CSMD1: variants seen among roughly 807,000 people sequenced by gnomAD.
CSMD1 encodes the protein CUB and Sushi multiple domains 1.
Under a neutral mutation model 417.5 loss-of-function variants are expected in CSMD1, and 213 were observed. The observed-to-expected ratio is 0.51, with a 90% confidence interval of 0.46 to 0.57. The LOEUF (loss-of-function observed/expected upper bound fraction) is 0.57, where lower values mean the gene tolerates loss of function less well. CSMD1 is among the 20% of genes least tolerant of loss of function. The pLI is 0.00. For synonymous variants in CSMD1, 2,862 were observed against 1,736.8 expected, an observed-to-expected ratio of 1.65 and a Z score of -16.11; for missense variants, 6,923 against 4,529.7, an observed-to-expected ratio of 1.53 and a Z score of -15.17.
At chr8:3,505,416 C>G (rs923619289) in intron 10 of CSMD1, among the ~76,000 whole-genome samples, 1 of 151,868 alleles carries the variant, frequency 6.6e-6, no homozygotes, top group African/African-American at 2.4e-5. Flanking sequence ...TAATTATGGG[C>G]GCAGAATCAA....
At chr8:3,549,562 T>G (rs28565427) in intron 10 of CSMD1, among the ~76,000 whole-genome samples, 9,701 of 152,284 alleles carry the variant, frequency 0.064, 642 homozygotes, top group African/African-American at 0.16. Flanking sequence ...AATGGATTAA[T>G]GCATTAATTT....
At chr8:4,031,377 C>T (rs1797335702) in intron 4 of CSMD1, among the ~76,000 whole-genome samples, 1 of 152,182 alleles carries the variant, frequency 6.6e-6, no homozygotes. Context: ...ACATGCATGG[C>T]AGCAGGCAAA....
chr8:3,891,409 G>C (rs898822436), intron 5 of CSMD1, among the ~76,000 whole-genome samples: 7 of 152,176 alleles, frequency 4.6e-5, no homozygotes, highest in Middle Eastern at 6.8e-3. Flanking sequence ...GCCAGGTATG[G>C]TGGCTCACGC....
At chr8:3,957,015 T>C (rs1263855065) in intron 5 of CSMD1, among the ~76,000 whole-genome samples, 1 of 152,192 alleles carries the variant, frequency 6.6e-6, no homozygotes, top group Non-Finnish European at 1.5e-5. Context: ...CACATGGAAG[T>C]AGAGAGTGAC....
chr8:3,628,026 G>C (rs776261254), intron 7 of CSMD1, among the ~76,000 whole-genome samples: 9 of 152,030 alleles, frequency 5.9e-5, no homozygotes, highest in South Asian at 2.1e-4. Flanking sequence ...AGATTCAAAA[G>C]GGCAATGTAA....
Position 2,993,356 on chromosome 8 carries a change from T to C in CSMD1, c.8377+4655A>G, listed in dbSNP as rs565251620. Among the ~76,000 whole-genome samples, 9 of 152,294 alleles carry C rather than the reference T, an allele frequency of 5.9e-5. No individual in the cohort carries two copies. In the East Asian group the frequency reaches 1.7e-3, roughly 29 times the overall value. On this transcript the variant is annotated intron_variant, in intron 54 of 69. Coordinates refer to ENST00000635120, the MANE Select transcript of CSMD1 (RefSeq NM_033225.6). ...GTAAGGTTATATTTTCCTCCTTCAA[T>C]GCATTTATTGCCAATATCCTGTAAA... is the stretch of plus-strand genomic sequence containing the variant.
intron 1 of CSMD1, among the ~76,000 whole-genome samples, chr8:4,945,678 G>C (rs58584343): frequency 3.9e-5 from 6 of 152,224 alleles, no homozygotes; most frequent in Middle Eastern, 3.4e-3. Context: ...CTTTTTTCAA[G>C]AGAACTTGGC....
chr8:4,798,597 G>A (rs956288924), intron 1 of CSMD1, among the ~76,000 whole-genome samples: 1 of 152,108 alleles, frequency 6.6e-6, no homozygotes, highest in African/African-American at 2.4e-5. Context: ...CACACTGTGT[G>A]TTGGAATGCT....
chr8:4,564,086 T>A (rs538777001), intron 2 of CSMD1, among the ~76,000 whole-genome samples: 136 of 152,320 alleles, frequency 8.9e-4, no homozygotes, highest in African/African-American at 3.1e-3. Context: ...TAAGCATATT[T>A]AAATAAATTG....
intron 10 of CSMD1, among the ~76,000 whole-genome samples, chr8:3,519,841 C>T (rs1797429075): frequency 6.6e-6 from 1 of 151,940 alleles, no homozygotes; most frequent in South Asian, 2.1e-4. Context: ...TGGTATCAAC[C>T]ATCCCATCAA....
intron 17 of CSMD1, among the ~76,000 whole-genome samples, chr8:3,391,280 G>T: frequency 6.6e-6 from 1 of 152,286 alleles, no homozygotes; most frequent in Admixed American, 6.5e-5. Flanking sequence ...AGTAGAGTAT[G>T]TACATTTACA....
chr8:3,421,687 C>G (rs150027705), intron 12 of CSMD1, among the ~76,000 whole-genome samples: 2,032 of 152,244 alleles, frequency 0.013, 39 homozygotes, highest in Middle Eastern at 0.048. Context: ...GCCCAGACTG[C>G]AGTGCACTGC....
At chr8:4,601,087 G>C (rs1012175543) in intron 2 of CSMD1, among the ~76,000 whole-genome samples, 3 of 151,762 alleles carry the variant, frequency 2.0e-5, no homozygotes, top group African/African-American at 7.3e-5. Flanking sequence ...CTCCCAAGTA[G>C]CTGGGATTAC....
At position 3,266,271 on chromosome 8, in the gene CSMD1, C is replaced by A. The variant is rs1046172385; in HGVS notation, c.4153+17873G>T. On this transcript the variant is annotated intron_variant, in intron 26 of 69. Transcript: ENST00000635120. Reference sequence around the variant, plus strand: ...ACCTAGACGAAAGAGGGTTGTAAGGCGGAAAGGCAGTAGCACCACAGTTCT... The same window carrying A: ...ACCTAGACGAAAGAGGGTTGTAAGGAGGAAAGGCAGTAGCACCACAGTTCT... Among the ~76,000 whole-genome samples the A allele has an allele frequency of 4.0e-5, 6 of 151,056 alleles. No individual in the cohort carries two copies. The South Asian group carries it at 6.3e-4, about 16-fold the overall frequency.
At chr8:4,574,718 C>G (rs528288832) in intron 2 of CSMD1, among the ~76,000 whole-genome samples, 4 of 152,328 alleles carry the variant, frequency 2.6e-5, no homozygotes, top group Admixed American at 1.3e-4. Flanking sequence ...CTTTTCAAAA[C>G]TAACCATAGA....
In CSMD1 at chr8:3,248,402, T is replaced by C. The variant is rs546764603; in HGVS notation, c.4154-18171A>G. Among the ~76,000 whole-genome samples, 5 of 152,202 alleles carry C rather than the reference T, an allele frequency of 3.3e-5. No individual in the cohort carries two copies. The East Asian group carries it at 9.7e-4, about 29-fold the overall frequency. Reference sequence around the variant, plus strand: ...CATAATCTTCCCACCTATGAAGTCCTTTAAAACTGGAGTTTCAGAAGAATA... The same window carrying C: ...CATAATCTTCCCACCTATGAAGTCCCTTAAAACTGGAGTTTCAGAAGAATA... On this transcript the variant is annotated intron_variant, in intron 26 of 69. Transcript: ENST00000635120.
intron 3 of CSMD1, among the ~76,000 whole-genome samples, chr8:4,325,420 C>T (rs944161517): frequency 2.6e-5 from 4 of 152,132 alleles, no homozygotes; most frequent in Non-Finnish European, 5.9e-5. Flanking sequence ...AGGAACTCTA[C>T]AGAAGCCAGG....
intron 3 of CSMD1, among the ~76,000 whole-genome samples, chr8:4,277,609 T>A (rs1236668571): frequency 1.3e-5 from 2 of 152,190 alleles, no homozygotes; most frequent in Non-Finnish European, 2.9e-5. Context: ...CTATGAGGTG[T>A]CTCATACTTC....
chr8:4,345,114 G>C (rs542468614), intron 3 of CSMD1, among the ~76,000 whole-genome samples: 2 of 152,258 alleles, frequency 1.3e-5, no homozygotes, highest in African/African-American at 4.8e-5. Flanking sequence ...GCCAAGGGGA[G>C]CTAAACCTGT....
Sources: gnomAD v4.1 joint callset for allele counts (sites outside exome capture counted in the v4.1 genomes callset) on GRCh38, gnomAD v4.1.1 for gene constraint, MANE v1.5 for transcripts, NCBI Gene and HGNC (gene_info 2026-07-23, HGNC 2026-07-21) for gene names.